The following ROCK2 variants were observed in gnomAD, a reference collection of about 807,000 sequenced individuals.
ROCK2 encodes Rho associated coiled-coil containing protein kinase 2.
A neutral mutation model predicts 195.1 loss-of-function variants in ROCK2; 61 were observed. The ratio of observed to expected loss-of-function variants is 0.31; its 90% confidence interval spans 0.25 to 0.39. The LOEUF (loss-of-function observed/expected upper bound fraction) is 0.39, where lower values mean the gene tolerates loss of function less well. Ranked by LOEUF, ROCK2 falls within the 10% of genes least tolerant of loss-of-function variation. The pLI, the probability that ROCK2 is intolerant of heterozygous loss-of-function variation, is 1.00. For missense variants in ROCK2, 1,109 were observed against 1,637.4 expected (o/e 0.68, Z 5.57); for synonymous variants, 504 against 545.5 (o/e 0.92, Z 1.06).
Position 11,235,590 on chromosome 2 carries a change from A to G in ROCK2, c.723+112T>C. Reference sequence around the variant, plus strand: ...GTTATATCTTGTTTGGGTGCTATACAGTTATGAAAACTAAATTTACCTTTG... The same window carrying G: ...GTTATATCTTGTTTGGGTGCTATACGGTTATGAAAACTAAATTTACCTTTG... On this transcript the variant is annotated intron_variant, in intron 5 of 32. Transcript: ENST00000315872. The surrounding 1 kb of genome is among the most constrained non-coding windows in gnomAD (Gnocchi z 4.2). The G allele has an allele frequency of 9.0e-7, 1 of 1,113,956 alleles. No homozygotes were observed. Among genetic ancestry groups the G allele is most frequent in the Non-Finnish European group, 1.3e-6 (1 of 776,602 alleles). 69.0% of individuals were successfully genotyped at this position (1,113,956 alleles called of 1,614,324 possible). A position where few individuals can be genotyped will look rare whatever the true frequency, so the allele number is the denominator to read the frequency against.
intron 5 of ROCK2, 56 bp from the exon 6 acceptor site, chr2:11,227,454 T>G: frequency 6.7e-7 from 1 of 1,497,194 alleles, no homozygotes; most frequent in Middle Eastern, 1.8e-4. Context: ...CACACACTTA[T>G]AAATGCAATG....
In ROCK2 at chr2:11,235,516, T is replaced by C. The variant is rs564207317; in HGVS notation, c.723+186A>G. Among the ~76,000 whole-genome samples, 1 of 152,332 alleles carries C rather than the reference T, an allele frequency of 6.6e-6. No homozygotes were observed. The highest frequency in any genetic ancestry group is 6.5e-5 in the Admixed American group (1 of 15,296). On this transcript the variant is annotated intron_variant, in intron 5 of 32. Coordinates refer to ENST00000315872, the MANE Select transcript of ROCK2 (RefSeq NM_004850.5). The surrounding 1 kb of genome is among the most constrained non-coding windows in gnomAD (Gnocchi z 4.2). Reference sequence around the variant, plus strand: ...GATAAGTACTCTACAGCTACATAAATGATTACAAAAGAAATGTTTTAAGTT... The same window carrying C: ...GATAAGTACTCTACAGCTACATAAACGATTACAAAAGAAATGTTTTAAGTT...
intron 1 of ROCK2, among the ~76,000 whole-genome samples, chr2:11,335,134 C>T (rs949364961): frequency 6.8e-4 from 103 of 151,688 alleles, no homozygotes; most frequent in African/African-American, 2.4e-3. Context: ...CACACACACA[C>T]ACACACACAC....
At chr2:11,263,229 G>A (rs1666295182) in intron 3 of ROCK2, among the ~76,000 whole-genome samples, 1 of 152,172 alleles carries the variant, frequency 6.6e-6, no homozygotes, top group Admixed American at 6.5e-5. Context: ...TAAATTAAAA[G>A]CCAGTGGATG....
Position 11,197,177 on chromosome 2 carries a change from T to C in ROCK2, c.3448+3A>G. ...AATATTAGTGCTGAAAACAAATCCA[T>C]ACCTGGAAACCCATCATCTGCCTCA... On this transcript the variant is annotated splice_donor_region_variant and intron_variant, in intron 27 of 32. Coordinates refer to ENST00000315872, the MANE Select transcript of ROCK2 (RefSeq NM_004850.5). The surrounding 1 kb of genome is among the most constrained non-coding windows in gnomAD (Gnocchi z 4.9). The C allele has an allele frequency of 1.9e-6, 3 of 1,589,532 alleles. No individual in the cohort carries two copies. Among genetic ancestry groups the C allele is most frequent in the Non-Finnish European group, 2.6e-6 (3 of 1,170,904 alleles).
At chr2:11,317,627 T>TTTTTTTTTTTA (rs1192587957) in intron 1 of ROCK2, among the ~76,000 whole-genome samples, 638 of 31,282 alleles carry the variant, frequency 0.02, 91 homozygotes, top group Non-Finnish European at 0.032. Flanking sequence ...TTTTTTTTTT[T>TTTTTTTTTTTA]AATTATACTT....
intron 1 of ROCK2, among the ~76,000 whole-genome samples, chr2:11,332,413 A>T (rs560990553): frequency 2.0e-5 from 3 of 152,180 alleles, no homozygotes; most frequent in Non-Finnish European, 4.4e-5. Flanking sequence ...TGATTACCGT[A>T]TTATTTCCTA....
chr2:11,342,138 G>A (rs1669126257), intron 1 of ROCK2, among the ~76,000 whole-genome samples: 1 of 152,168 alleles, frequency 6.6e-6, no homozygotes, highest in East Asian at 1.9e-4. Flanking sequence ...TGCTCCAAAG[G>A]AATAAGGGAC....
chr2:11,269,247 C>T lies in ROCK2; in HGVS notation c.324+17292G>A, dbSNP rs556175878. ...TTTGTTTTGGCCAGTAGTGGTGGCT[C>T]ATGCCTGTAATATCAGCACTTTGGG... On this transcript the variant is annotated intron_variant, in intron 3 of 32. Transcript: ENST00000315872. Among the ~76,000 whole-genome samples, 5 of 152,302 alleles carry T rather than the reference C, an allele frequency of 3.3e-5. No homozygotes were observed. In the East Asian group the frequency reaches 9.7e-4, roughly 29 times the overall value.
intron 4 of ROCK2, among the ~76,000 whole-genome samples, chr2:11,238,218 G>GTGTGTGTGTGTGTGTGTC (rs1665288470): frequency 6.7e-6 from 1 of 150,360 alleles, no homozygotes; most frequent in Non-Finnish European, 1.5e-5. Flanking sequence ...GAGTGTGTGT[G>GTGTGTGTGTGTGTGTGTC]TGTGTGTGTG....
chr2:11,327,594 A>T (rs1668587874), intron 1 of ROCK2, among the ~76,000 whole-genome samples: 1 of 152,170 alleles, frequency 6.6e-6, no homozygotes, highest in African/African-American at 2.4e-5. Context: ...GGGGAGTCTC[A>T]TTCTGTCACC....
At chr2:11,238,409 G>A (rs754496992) in intron 4 of ROCK2, among the ~76,000 whole-genome samples, 8 of 151,864 alleles carry the variant, frequency 5.3e-5, no homozygotes, top group Non-Finnish European at 8.8e-5. Flanking sequence ...AATCCCAGTG[G>A]GTCTTTTCCA....
intron 1 of ROCK2, among the ~76,000 whole-genome samples, chr2:11,300,369 T>G (rs1370117231): frequency 6.6e-6 from 1 of 152,188 alleles, no homozygotes; most frequent in Admixed American, 6.5e-5. Flanking sequence ...GTTCAAGAGA[T>G]TCTCCTGCCT....
intron 3 of ROCK2, among the ~76,000 whole-genome samples, chr2:11,270,248 T>G (rs1042091118): frequency 2.0e-5 from 3 of 152,174 alleles, no homozygotes; most frequent in Non-Finnish European, 4.4e-5. Context: ...ATAGGTAAAG[T>G]GTGGTTTGTT....
chr2:11,278,698 T>G (rs1666906411), intron 3 of ROCK2, among the ~76,000 whole-genome samples: 1 of 152,172 alleles, frequency 6.6e-6, no homozygotes, highest in Non-Finnish European at 1.5e-5. Context: ...CTGCAACCTC[T>G]GCCTCCTGGG....
intron 1 of ROCK2, among the ~76,000 whole-genome samples, chr2:11,330,705 G>C (rs976222417): frequency 8.5e-5 from 12 of 141,310 alleles, no homozygotes; most frequent in African/African-American, 3.1e-4. Context: ...GAAGGGGGAG[G>C]AAGGAGGAAG....
intron 1 of ROCK2, among the ~76,000 whole-genome samples, chr2:11,302,224 C>T (rs1667728984): frequency 6.6e-6 from 1 of 152,210 alleles, no homozygotes; most frequent in African/African-American, 2.4e-5. Flanking sequence ...AGTACATCTC[C>T]ATTCTACTGC....
intron 3 of ROCK2, among the ~76,000 whole-genome samples, chr2:11,255,135 T>C (rs544041616): frequency 2.7e-5 from 4 of 146,838 alleles, no homozygotes; most frequent in African/African-American, 7.9e-5. Context: ...GAGAATGGCA[T>C]GAACCCAGGA....
chr2:11,210,669 G>A (rs576519105), intron 18 of ROCK2, among the ~76,000 whole-genome samples: 1 of 152,230 alleles, frequency 6.6e-6, no homozygotes, highest in South Asian at 2.1e-4. Flanking sequence ...GTTTTGAACA[G>A]TAGTTATGTG....
Sources: allele counts gnomAD v4.1 joint callset (sites outside exome capture counted in the v4.1 genomes callset), GRCh38; gene constraint gnomAD v4.1.1; non-coding constraint Gnocchi (gnomAD v3.1); transcripts MANE v1.5; gene names NCBI Gene and HGNC (gene_info 2026-07-23, HGNC 2026-07-21).